The following GRK3 variants were observed in gnomAD, a reference collection of about 807,000 sequenced individuals.
GRK3 encodes adrenergic, beta, receptor kinase 2.
GRK3 carries 54 observed loss-of-function variants against 95.7 expected under a neutral mutation model. The observed-to-expected ratio is 0.56, with a 90% CI of 0.45 to 0.71. GRK3 has a LOEUF of 0.71. GRK3 is among the 30% of genes least tolerant of loss of function. The pLI, the probability that GRK3 is intolerant of heterozygous loss-of-function variation, is 0.00. For synonymous variants in GRK3, 281 were observed against 290.8 expected, an observed-to-expected ratio of 0.97 and a Z score of 0.34; for missense variants, 649 against 851.2, an observed-to-expected ratio of 0.76 and a Z score of 2.96.
chr22:25,592,290 G>A (rs553180403), intron 1 of GRK3, among the ~76,000 whole-genome samples: 1 of 152,294 alleles, frequency 6.6e-6, no homozygotes, highest in Non-Finnish European at 1.5e-5. Context: ...CTTCTTTGAA[G>A]TGTCTATTCA....
Position 25,728,180 on chromosome 22 carries a change from C to T in GRK3, c.*5730C>T, listed in dbSNP as rs1230018913. Reference sequence around the variant, plus strand: ...TGAAATAATGCACCTAGTAATGTGGCCGACATCTCTTCTCACCACCATGGA... The same window carrying T: ...TGAAATAATGCACCTAGTAATGTGGTCGACATCTCTTCTCACCACCATGGA... On this transcript the variant is annotated 3_prime_UTR_variant, in exon 21 of 21. Coordinates refer to ENST00000324198, the MANE Select transcript of GRK3 (RefSeq NM_005160.4). 1 of 152,224 alleles carries T rather than the reference C, an allele frequency of 6.6e-6. No homozygotes were observed. Among genetic ancestry groups the T allele is most frequent in the African/African-American group, 2.4e-5 (1 of 41,450 alleles). 9.4% of individuals were successfully genotyped at this position (152,224 alleles called of 1,614,324 possible).
At chr22:25,578,777 G>C (rs1180061275) in intron 1 of GRK3, among the ~76,000 whole-genome samples, 2 of 152,112 alleles carry the variant, frequency 1.3e-5, no homozygotes, top group Non-Finnish European at 2.9e-5. Context: ...ATGTGAGACC[G>C]CAGTCCTACT....
chr22:25,643,385 C>T (rs979292965), intron 2 of GRK3, among the ~76,000 whole-genome samples: 54 of 152,278 alleles, frequency 3.5e-4, no homozygotes, highest in African/African-American at 1.2e-3. Flanking sequence ...GGCCACGTTC[C>T]GGGAACTATG....
In GRK3 at chr22:25,681,590, A is replaced by C. The variant is rs530777659; in HGVS notation, c.747+2675A>C. Among the ~76,000 whole-genome samples the C allele has an allele frequency of 8.5e-5, 13 of 152,324 alleles. No individual in the cohort carries two copies. The South Asian group carries it at 2.5e-3, about 29-fold the overall frequency. The stretch of plus-strand genomic sequence containing the variant: ...ATCGCCGGCCGATCTTGAGGAGCCT[A>C]AATGATCTGACTGCAGTTAGAAACC... On this transcript the variant is annotated intron_variant, in intron 9 of 20. Transcript: ENST00000324198.
At position 25,655,273 on chromosome 22, in the gene GRK3, C is replaced by T. The variant is rs188255290; in HGVS notation, c.265-6303C>T. Among the ~76,000 whole-genome samples, 19 of 152,290 alleles carry T rather than the reference C, an allele frequency of 1.2e-4. No individual in the cohort carries two copies. The East Asian group carries it at 3.7e-3, about 29-fold the overall frequency. ...TACATTACTTATTACCTACCTCTCC[C>T]TGTTAGTTTTCACTACCTTCTTACA... On this transcript the variant is annotated intron_variant, in intron 3 of 20. Transcript: ENST00000324198.
At chr22:25,648,993 G>A in intron 3 of GRK3, 4 of 1,088,388 alleles carry the variant, frequency 3.7e-6, no homozygotes, top group Non-Finnish European at 4.3e-6. Context: ...TCTACAGACA[G>A]AACTGGTAAC....
chr22:25,567,600 T>C (rs954186484), intron 1 of GRK3, among the ~76,000 whole-genome samples: 1 of 152,228 alleles, frequency 6.6e-6, no homozygotes, highest in Non-Finnish European at 1.5e-5. Context: ...CTATTTCAGC[T>C]TCATTATAGA....
intron 1 of GRK3, among the ~76,000 whole-genome samples, chr22:25,598,085 T>C (rs75859126): frequency 2.0e-3 from 311 of 152,302 alleles, no homozygotes; most frequent in African/African-American, 7.1e-3. Context: ...ATTGCATGTC[T>C]AAAGCCAAAA....
intron 2 of GRK3, among the ~76,000 whole-genome samples, chr22:25,620,538 A>G (rs757213623): frequency 6.6e-6 from 1 of 152,202 alleles, no homozygotes; most frequent in African/African-American, 2.4e-5. Context: ...GCTTTAAAAA[A>G]TGAAAACTTC....
At position 25,648,218 on chromosome 22, in the gene GRK3, G is replaced by A. The variant is rs1437037823; in HGVS notation, c.264+3553G>A. 8 of 762,588 alleles carry A rather than the reference G, an allele frequency of 1.0e-5. No individual in the cohort carries two copies. The Admixed American group carries it at 1.4e-4, about 13-fold the overall frequency. 47.2% of individuals were successfully genotyped at this position (762,588 alleles called of 1,614,324 possible). A position where few individuals can be genotyped will look rare whatever the true frequency, so the allele number is the denominator to read the frequency against. ...CTATTCGTGATTGGGATGAGGTAAGGGGTGACAATGTGAAACACCACAAAA... is the reference window on the plus strand; with the variant it reads ...CTATTCGTGATTGGGATGAGGTAAGAGGTGACAATGTGAAACACCACAAAA... On this transcript the variant is annotated intron_variant, in intron 3 of 20. Coordinates refer to ENST00000324198, the MANE Select transcript of GRK3 (RefSeq NM_005160.4).
intron 3 of GRK3, among the ~76,000 whole-genome samples, chr22:25,649,418 G>A (rs1243076251): frequency 6.6e-6 from 1 of 152,104 alleles, no homozygotes; most frequent in Non-Finnish European, 1.5e-5. Flanking sequence ...TTTAAAGTAC[G>A]ATGATGAATT....
intron 13 of GRK3, 30 bp downstream of exon 13, chr22:25,695,244 T>G (rs2085198347): frequency 2.7e-6 from 4 of 1,468,464 alleles, no homozygotes; most frequent in Non-Finnish European, 2.9e-6. Flanking sequence ...TCTAGTGCTG[T>G]CCTCATGGCA....
intron 2 of GRK3, among the ~76,000 whole-genome samples, chr22:25,631,654 C>G (rs779442397): frequency 1.3e-5 from 2 of 151,994 alleles, no homozygotes; most frequent in African/African-American, 2.4e-5. Flanking sequence ...GAGTTTTGAC[C>G]AACGCATAAA....
chr22:25,614,208 G>A (rs2084520696), intron 2 of GRK3, among the ~76,000 whole-genome samples: 1 of 152,066 alleles, frequency 6.6e-6, no homozygotes, highest in Admixed American at 6.5e-5. Context: ...GCTCACTGCA[G>A]CCTCAACCTC....
At chr22:25,577,714 G>A (rs987724003) in intron 1 of GRK3, among the ~76,000 whole-genome samples, 2 of 152,192 alleles carry the variant, frequency 1.3e-5, no homozygotes, top group Non-Finnish European at 2.9e-5. Flanking sequence ...TCTGTTCAGT[G>A]TTTGGAATTG....
At chr22:25,605,064 T>C (rs148764939) in intron 2 of GRK3, among the ~76,000 whole-genome samples, 5,520 of 152,314 alleles carry the variant, frequency 0.036, 327 homozygotes, top group African/African-American at 0.12. Flanking sequence ...AATAATAAAA[T>C]AGTTACCAGT....
chr22:25,567,007 T>A (rs1224186686), intron 1 of GRK3, among the ~76,000 whole-genome samples: 1 of 152,132 alleles, frequency 6.6e-6, no homozygotes, highest in African/African-American at 2.4e-5. Flanking sequence ...TTTTTTAGTG[T>A]CCCTCTTAAG....
rs1569166771 is a variant in GRK3, at chr22:25,620,009, TGTGTG to T, written c.190+15557_190+15561del. Reference sequence around the variant, plus strand: ...CTCTTCCTTTCCTTTGTCTTTTTTGTGTGTGTGTGTGTGTGTGTGTGTGTGTGTGT... The same window carrying T: ...CTCTTCCTTTCCTTTGTCTTTTTTGTTGTGTGTGTGTGTGTGTGTGTGTGT... On this transcript the variant is annotated intron_variant, in intron 2 of 20. Coordinates refer to ENST00000324198, the MANE Select transcript of GRK3 (RefSeq NM_005160.4). Among the ~76,000 whole-genome samples the T allele has an allele frequency of 1.7e-3, 162 of 92,628 alleles. 4 individuals carry two copies. The highest frequency in any genetic ancestry group is 4.9e-3 in the South Asian group (15 of 3,048). The allele number at this position is 92,628 out of a possible 152,430, so 60.8% of individuals were successfully genotyped here. A position where few individuals can be genotyped will look rare whatever the true frequency, so the allele number is the denominator to read the frequency against.
intron 4 of GRK3, among the ~76,000 whole-genome samples, chr22:25,661,962 A>G (rs950048449): frequency 6.6e-5 from 10 of 152,356 alleles, no homozygotes; most frequent in Admixed American, 3.9e-4. Context: ...TCAATTCAAG[A>G]CATTCTAAAG....
Sources: gnomAD v4.1 joint callset for allele counts (sites outside exome capture counted in the v4.1 genomes callset) on GRCh38, gnomAD v4.1.1 for gene constraint, MANE v1.5 for transcripts, NCBI Gene and HGNC (gene_info 2026-07-23, HGNC 2026-07-21) for gene names.